The following SLC36A1 variants were observed in gnomAD, a reference collection of about 807,000 sequenced individuals.
The protein encoded by SLC36A1 is solute carrier family 36 member 1.
In SLC36A1, 30 loss-of-function variants were observed where a neutral mutation model predicts 47.5. The observed-to-expected ratio is 0.63, with a 90% confidence interval of 0.47 to 0.86. SLC36A1 has a LOEUF of 0.86. Ranked by LOEUF, SLC36A1 falls within the 40% of genes least tolerant of loss-of-function variation. The probability of loss-of-function intolerance (pLI) is 0.00; values close to 1 mark genes in which losing one functional copy is unlikely to be tolerated. For synonymous variants in SLC36A1, 255 were observed against 249.7 expected, an observed-to-expected ratio of 1.02 and a Z score of -0.20; for missense variants, 517 against 606.0, an observed-to-expected ratio of 0.85 and a Z score of 1.54.
chr5:151,471,285 TGA>T (rs1293430581), intron 7 of SLC36A1, among the ~76,000 whole-genome samples: 1 of 152,238 alleles, frequency 6.6e-6, no homozygotes, highest in Non-Finnish European at 1.5e-5. Context: ...GTTGTAGAAT[TGA>T]GGAGATATGT....
downstream of SLC36A1, among the ~76,000 whole-genome samples, chr5:151,492,907 C>T (rs1760225071): frequency 6.6e-6 from 1 of 152,228 alleles, no homozygotes; most frequent in South Asian, 2.1e-4. Flanking sequence ...CTCCTGCCTA[C>T]AGGCCTGCCC....
chr5:151,478,723 T>C (rs901839343), intron 9 of SLC36A1, among the ~76,000 whole-genome samples: 1 of 152,216 alleles, frequency 6.6e-6, no homozygotes, highest in Non-Finnish European at 1.5e-5. Flanking sequence ...AATTTCCCAT[T>C]TCAGAGGCAA....
At chr5:151,430,289 C>G in the SLC36A1 span, among the ~76,000 whole-genome samples, 1 of 149,646 alleles carries the variant, frequency 6.7e-6, no homozygotes, top group Non-Finnish European at 1.5e-5. Context: ...CTCAGCCTCC[C>G]GAGTAGCTGG....
At chr5:151,445,552 C>A (rs1460172790), upstream of SLC36A1, among the ~76,000 whole-genome samples, 2 of 152,168 alleles carry the variant, frequency 1.3e-5, no homozygotes, top group East Asian at 3.8e-4. Flanking sequence ...TAGTAACAAA[C>A]CTTCTTCTTT....
At chr5:151,427,669 C>G in the SLC36A1 span, among the ~76,000 whole-genome samples, 1 of 152,144 alleles carries the variant, frequency 6.6e-6, no homozygotes, top group South Asian at 2.1e-4. Context: ...CTGCCCCTCT[C>G]GGAAGTGCTG....
rs186524047 is a variant in SLC36A1 at position 151,485,708 on chromosome 5, C to T, written c.1160-2275C>T. 5.9e-5 allele frequency among the ~76,000 whole-genome samples: 9 copies of T among 152,314 alleles called. No homozygotes were observed. In the East Asian group the frequency reaches 1.7e-3, roughly 29 times the overall value. On this transcript the variant is annotated intron_variant, in intron 10 of 10. Coordinates refer to ENST00000243389, the MANE Select transcript of SLC36A1 (RefSeq NM_078483.4). The stretch of plus-strand genomic sequence containing the variant: ...TGTAGTAATATTGTGGAGTTACATA[C>T]CTGTGAAACAGAGGCAGATTCACCT...
intron 10 of SLC36A1, among the ~76,000 whole-genome samples, chr5:151,482,322 C>G (rs1758911764): frequency 6.6e-6 from 1 of 152,108 alleles, no homozygotes. Context: ...CCTCAGGGTC[C>G]TCAACTGTAA....
chr5:151,362,594 T>C, the SLC36A1 span, among the ~76,000 whole-genome samples: 2 of 152,042 alleles, frequency 1.3e-5, no homozygotes, highest in African/African-American at 2.4e-5. Context: ...TTTCACCATG[T>C]TGGCTGTGCT....
At position 151,463,607 on chromosome 5, in the gene SLC36A1, G is replaced by C; in HGVS notation, c.198G>C (p.Leu66=). 6.2e-7 allele frequency: 1 copy of C among 1,614,176 alleles called. No homozygotes were observed. Among genetic ancestry groups the C allele is most frequent in the Non-Finnish European group, 8.5e-7 (1 of 1,180,024 alleles). The part of the protein sequence containing the change: ...LLKGNIGTGL[L]GLPLAVKNAG... ...AAGGCAACATTGGCACAGGACTCCT[G>C]GGACTCCCTCTGGCGGTGAAAAATG... The change falls in exon 3 of 11, where the codon CTG becomes CTC. Residue 66 remains leucine, a synonymous_variant. Coordinates refer to ENST00000243389, the MANE Select transcript of SLC36A1 (RefSeq NM_078483.4).
chr5:151,393,165 T>C, the SLC36A1 span, among the ~76,000 whole-genome samples: 55 of 151,888 alleles, frequency 3.6e-4, no homozygotes, highest in Non-Finnish European at 7.4e-5. Flanking sequence ...AATGGCCTTC[T>C]TTGTCTCTTT....
chr5:151,548,793 C>T, the SLC36A1 span, among the ~76,000 whole-genome samples: 2 of 152,174 alleles, frequency 1.3e-5, no homozygotes, highest in Non-Finnish European at 1.5e-5. Flanking sequence ...CATACATTTT[C>T]TCTTTTAATC....
At chr5:151,397,534 C>A in the SLC36A1 span, among the ~76,000 whole-genome samples, 7 of 152,094 alleles carry the variant, frequency 4.6e-5, no homozygotes, top group Non-Finnish European at 8.8e-5. Flanking sequence ...TGCCTGTAAT[C>A]CCAGCACTTT....
intron 1 of SLC36A1, among the ~76,000 whole-genome samples, chr5:151,442,308 C>G (rs1194256410): frequency 6.6e-6 from 1 of 151,988 alleles, no homozygotes; most frequent in Non-Finnish European, 1.5e-5. Flanking sequence ...TTTTTTGTGG[C>G]AAGAGCAGCT....
rs956016230 is a variant in SLC36A1 at position 151,489,041 on chromosome 5, A to G, written c.*787A>G. On this transcript the variant is annotated 3_prime_UTR_variant, in exon 11 of 11. Coordinates refer to ENST00000243389, the MANE Select transcript of SLC36A1 (RefSeq NM_078483.4). This position sits in a 1 kb window ranked among gnomAD's most constrained non-coding sequence, Gnocchi z 4.5. The stretch of plus-strand genomic sequence containing the variant: ...TTCTTCTTCAGTAAACTTTGACTCA[A>G]CTTCTCCTGCTGAAAAGAAGCTCGC... The G allele has an allele frequency of 3.3e-5, 5 of 150,926 alleles. No homozygotes were observed. The highest frequency in any genetic ancestry group is 1.2e-4 in the African/African-American group (5 of 40,706). The allele number at this position is 150,926 out of a possible 1,614,324, so 9.3% of individuals were successfully genotyped here. A position where few individuals can be genotyped will look rare whatever the true frequency, so the allele number is the denominator to read the frequency against.
At chr5:151,537,822 G>A in the SLC36A1 span, 477 of 1,611,108 alleles carry the variant, frequency 3.0e-4, 9 homozygotes, top group South Asian at 5.0e-3. Context: ...GAATTCATGC[G>A]CCCCAGGGCC....
chr5:151,391,997 T>C, the SLC36A1 span, among the ~76,000 whole-genome samples: 75,425 of 151,952 alleles, frequency 0.5, 20,707 homozygotes, highest in African/African-American at 0.75. Flanking sequence ...CTTGTTGTAC[T>C]TCTGGTAGAA....
chr5:151,453,671 G>T (rs1754009831), intron 1 of SLC36A1, among the ~76,000 whole-genome samples: 1 of 151,874 alleles, frequency 6.6e-6, no homozygotes, highest in Non-Finnish European at 1.5e-5. Context: ...AAACAACTTT[G>T]GGATTAGAAT....
At chr5:151,554,327 A>G in the SLC36A1 span, 1 of 1,583,800 alleles carries the variant, frequency 6.3e-7, no homozygotes. Context: ...CCAGCATGCC[A>G]CTCCTCCCTC....
the SLC36A1 span, among the ~76,000 whole-genome samples, chr5:151,370,181 A>C: frequency 6.6e-6 from 1 of 152,240 alleles, no homozygotes; most frequent in African/African-American, 2.4e-5. Context: ...TTAACTAAAA[A>C]TAAAAACCAT....
Sources: gnomAD v4.1 joint callset for allele counts (sites outside exome capture counted in the v4.1 genomes callset) on GRCh38, gnomAD v4.1.1 for gene constraint, Gnocchi (gnomAD v3.1) non-coding constraint, MANE v1.5 for transcripts, NCBI Gene and HGNC (gene_info 2026-07-23, HGNC 2026-07-21) for gene names.